The following BEND7 variants were observed in gnomAD, a reference collection of about 807,000 sequenced individuals.
BEND7 encodes BEN domain containing 7, also known as BEN domain-containing protein 7.
Under a neutral mutation model 50.9 loss-of-function variants are expected in BEND7, and 28 were observed. That is an observed-to-expected ratio of 0.55 (90% CI 0.41 to 0.75). BEND7 has a LOEUF of 0.75. BEND7 is among the 30% of genes least tolerant of loss of function. The pLI, the probability that BEND7 is intolerant of heterozygous loss-of-function variation, is 0.00. For missense variants in BEND7, 477 were observed against 491.3 expected (o/e 0.97, Z 0.28); for synonymous variants, 170 against 183.9 (o/e 0.92, Z 0.61).
chr10:13,522,767 TAAGTG>T (rs772054436), intron 2 of BEND7, among the ~76,000 whole-genome samples: 83 of 152,274 alleles, frequency 5.5e-4, no homozygotes, highest in Non-Finnish European at 1.0e-3. Flanking sequence ...GACAGGCGGT[TAAGTG>T]GAGTGTTCAA....
chr10:13,476,550 G>C (rs566544481), intron 6 of BEND7, among the ~76,000 whole-genome samples: 2 of 152,238 alleles, frequency 1.3e-5, no homozygotes, highest in South Asian at 2.1e-4. Flanking sequence ...ATCCTACAAC[G>C]GGGGCTCTAA....
At chr10:13,480,541 T>A in intron 6 of BEND7, 1 of 713,378 alleles carries the variant, frequency 1.4e-6, no homozygotes, top group South Asian at 6.6e-5. Context: ...AGAAGCATCA[T>A]AGCTTTATTC....
chr10:13,511,885 C>A (rs528328091), intron 2 of BEND7, among the ~76,000 whole-genome samples: 6 of 152,290 alleles, frequency 3.9e-5, no homozygotes, highest in African/African-American at 1.4e-4. Context: ...GTGCTACACT[C>A]CTCTACTAAG....
Position 13,492,715 on chromosome 10 carries a change from C to T in BEND7, c.733G>A (p.Val245Met). ...AGAGCAGATAGCTCAGAGGCCACCA[C>T]CGACTTTTTCTCCATCTCTGACCCA... The part of the protein sequence containing the change: ...PSGSEMEKKS[V>M]VASELSALQA... Residue 245 changes from valine (V) to methionine (M), a missense_variant, in exon 5 of 9, where the codon GTG becomes ATG. Physicochemically the swap from Val to Met is conservative, Grantham distance 21 (BLOSUM62 1). This residue lies in a region of BEND7 where 396 missense variants were observed against 384.2 expected (regional missense o/e 1.03). Coordinates refer to ENST00000466271, the MANE Select transcript of BEND7 (RefSeq NM_001369863.1). 1 of 1,614,212 alleles carries T rather than the reference C, an allele frequency of 6.2e-7. No homozygotes were observed. The highest frequency in any genetic ancestry group is 8.5e-7 in the Non-Finnish European group (1 of 1,180,034).
At chr10:13,495,013 A>C (rs1015309388) in intron 4 of BEND7, among the ~76,000 whole-genome samples, 1 of 152,250 alleles carries the variant, frequency 6.6e-6, no homozygotes, top group East Asian at 1.9e-4. Context: ...AAGGTTCAGA[A>C]AAGAAAACAT....
intron 6 of BEND7, among the ~76,000 whole-genome samples, chr10:13,474,656 C>T (rs1036147681): frequency 5.3e-5 from 8 of 152,134 alleles, no homozygotes; most frequent in Non-Finnish European, 1.0e-4. Context: ...TACCCGTCAT[C>T]GCTGTTGGAC....
chr10:13,518,031 G>A (rs1057049867), intron 2 of BEND7, among the ~76,000 whole-genome samples: 2 of 152,192 alleles, frequency 1.3e-5, no homozygotes, highest in African/African-American at 2.4e-5. Flanking sequence ...TGTATAGATG[G>A]CCATATGATT....
At chr10:13,527,380 G>A (rs2079506725) in intron 1 of BEND7, among the ~76,000 whole-genome samples, 1 of 152,218 alleles carries the variant, frequency 6.6e-6, no homozygotes, top group Non-Finnish European at 1.5e-5. Context: ...ATTTTCAGAT[G>A]AACCAAATCC....
At chr10:13,497,003 A>G in intron 3 of BEND7, 115 bp from the exon 4 acceptor site, 4 of 1,283,500 alleles carry the variant, frequency 3.1e-6, no homozygotes, top group Non-Finnish European at 4.1e-6. Context: ...AAGCATGTGC[A>G]ATTATGATGA....
At position 13,473,046 on chromosome 10, in the gene BEND7, G is replaced by T. The variant is rs533835064; in HGVS notation, c.1063+7853C>A. Among the ~76,000 whole-genome samples, 10 of 152,228 alleles carry T rather than the reference G, an allele frequency of 6.6e-5. No individual in the cohort carries two copies. In the East Asian group the frequency reaches 1.9e-3, roughly 29 times the overall value. On this transcript the variant is annotated intron_variant, in intron 6 of 8. Coordinates refer to ENST00000466271, the MANE Select transcript of BEND7 (RefSeq NM_001369863.1). ...ATATCTGTCATCACTGTTAGACTCA[G>T]GCTGATATCCATCATCGCTATTAAG...
chr10:13,528,766 C>T lies in BEND7; in HGVS notation c.-233G>A, dbSNP rs992342292. 3 of 146,832 alleles carry T rather than the reference C, an allele frequency of 2.0e-5. No homozygotes were observed. Among genetic ancestry groups the T allele is most frequent in the African/African-American group, 7.4e-5 (3 of 40,782 alleles). 9.1% of individuals were successfully genotyped at this position (146,832 alleles called of 1,614,324 possible). On this transcript the variant is annotated 5_prime_UTR_variant, in exon 1 of 9. Coordinates refer to ENST00000466271, the MANE Select transcript of BEND7 (RefSeq NM_001369863.1). The stretch of plus-strand genomic sequence containing the variant: ...CGTGGGCTCCCGGGCGAAGTTGCCC[C>T]CGCGCGGCGCCGCCTCCCGGTGCCC...
chr10:13,439,240 T>G (rs539231248), downstream of BEND7: 54 of 1,614,172 alleles, frequency 3.3e-5, no homozygotes, highest in Middle Eastern at 1.5e-3. Context: ...AAGTTGCGAA[T>G]CCCTCTCTGA....
chr10:13,462,885 C>T (rs2073850765), intron 6 of BEND7, among the ~76,000 whole-genome samples: 1 of 152,128 alleles, frequency 6.6e-6, no homozygotes, highest in Non-Finnish European at 1.5e-5. Context: ...CCAAAAGATC[C>T]TACAATCAAC....
At chr10:13,476,478 C>T (rs1435910768) in intron 6 of BEND7, among the ~76,000 whole-genome samples, 5 of 152,192 alleles carry the variant, frequency 3.3e-5, no homozygotes, top group Admixed American at 3.3e-4. Flanking sequence ...AGATTCAAGA[C>T]TCCAGGACAG....
At chr10:13,524,983 G>T (rs2079350173) in intron 2 of BEND7, among the ~76,000 whole-genome samples, 1 of 152,156 alleles carries the variant, frequency 6.6e-6, no homozygotes, top group South Asian at 2.1e-4. Flanking sequence ...AAACCAGAGA[G>T]ATCCTGGCGA....
At chr10:13,476,153 G>A (rs2075416355) in intron 6 of BEND7, among the ~76,000 whole-genome samples, 1 of 151,996 alleles carries the variant, frequency 6.6e-6, no homozygotes, top group African/African-American at 2.4e-5. Context: ...GACAAATATG[G>A]ACCCTACAGG....
Position 13,526,230 on chromosome 10 carries a change from A to C in BEND7, c.62-9T>G. On this transcript the variant is annotated splice_polypyrimidine_tract_variant and intron_variant, in intron 1 of 8. Coordinates refer to ENST00000466271, the MANE Select transcript of BEND7 (RefSeq NM_001369863.1). Reference sequence around the variant, plus strand: ...CACCTCGTGGTGATAATCTGGCATGAGAAAACAACCAAAAATTAGAATCCT... The same window carrying C: ...CACCTCGTGGTGATAATCTGGCATGCGAAAACAACCAAAAATTAGAATCCT... The C allele has an allele frequency of 7.8e-7, 1 of 1,280,190 alleles. No homozygotes were observed. The highest frequency in any genetic ancestry group is 1.0e-6 in the Non-Finnish European group (1 of 982,662). 79.3% of individuals were successfully genotyped at this position (1,280,190 alleles called of 1,614,324 possible). A position where few individuals can be genotyped will look rare whatever the true frequency, so the allele number is the denominator to read the frequency against.
At chr10:13,506,597 T>A (rs771978900) in intron 2 of BEND7, among the ~76,000 whole-genome samples, 6 of 152,162 alleles carry the variant, frequency 3.9e-5, no homozygotes, top group Non-Finnish European at 7.3e-5. Context: ...TCTCTTTTCA[T>A]ATAAGGATAG....
intron 6 of BEND7, among the ~76,000 whole-genome samples, chr10:13,467,295 C>T (rs1446616865): frequency 2.6e-5 from 4 of 152,140 alleles, no homozygotes; most frequent in East Asian, 1.9e-4. Context: ...GGGAAGTATA[C>T]GGATGTGTCA....
Sources: allele counts gnomAD v4.1 joint callset (sites outside exome capture counted in the v4.1 genomes callset), GRCh38; gene constraint gnomAD v4.1.1; regional missense constraint gnomAD v4.1.1; transcripts MANE v1.5; gene names NCBI Gene and HGNC (gene_info 2026-07-23, HGNC 2026-07-21).